The following CABCOCO1 variants were observed in gnomAD, a reference collection of about 807,000 sequenced individuals.
The protein encoded by CABCOCO1 is ciliary-associated calcium-binding coiled-coil protein 1.
Under a neutral mutation model 35.7 loss-of-function variants are expected in CABCOCO1, and 28 were observed. The observed-to-expected ratio is 0.78, with a 90% CI of 0.58 to 1.07. CABCOCO1 has a LOEUF of 1.07. CABCOCO1 is among the 50% of genes least tolerant of loss of function. The pLI, the probability that CABCOCO1 is intolerant of heterozygous loss-of-function variation, is 0.00. For missense variants in CABCOCO1, 326 were observed against 309.2 expected (o/e 1.05, Z -0.41); for synonymous variants, 95 against 100.1 (o/e 0.95, Z 0.30).
intron 5 of CABCOCO1, among the ~76,000 whole-genome samples, chr10:61,709,858 TC>T (rs1247732976): frequency 3.3e-5 from 5 of 152,060 alleles, no homozygotes; most frequent in African/African-American, 9.7e-5. Flanking sequence ...GAGCAGCTTT[TC>T]AAAAAACACA....
At chr10:61,685,838 C>T (rs61850471) in intron 3 of CABCOCO1, among the ~76,000 whole-genome samples, 1,913 of 152,328 alleles carry the variant, frequency 0.013, 15 homozygotes, top group Middle Eastern at 0.037. Flanking sequence ...GCTGGGATTA[C>T]AGGCTTGAGC....
chr10:61,702,743 C>T (rs1840492545), intron 5 of CABCOCO1, among the ~76,000 whole-genome samples: 1 of 151,966 alleles, frequency 6.6e-6, no homozygotes, highest in African/African-American at 2.4e-5. Flanking sequence ...TGAGAATATA[C>T]AAGCAGATAT....
At chr10:61,749,885 T>A (rs541084775) in intron 5 of CABCOCO1, among the ~76,000 whole-genome samples, 2 of 152,148 alleles carry the variant, frequency 1.3e-5, no homozygotes, top group South Asian at 4.1e-4. Context: ...CAATGCAGTA[T>A]GATTTGAAGG....
chr10:61,713,765 A>T (rs894417793), intron 5 of CABCOCO1, among the ~76,000 whole-genome samples: 27 of 152,324 alleles, frequency 1.8e-4, no homozygotes, highest in African/African-American at 6.0e-4. Flanking sequence ...CTATTGAGAT[A>T]ATCATGTGGT....
intron 2 of CABCOCO1, among the ~76,000 whole-genome samples, chr10:61,675,360 G>A (rs192739228): frequency 6.6e-5 from 10 of 152,050 alleles, no homozygotes; most frequent in African/African-American, 2.2e-4. Context: ...TACAATGACC[G>A]AGCAAAGAAT....
intron 5 of CABCOCO1, among the ~76,000 whole-genome samples, chr10:61,741,563 T>C (rs1250066263): frequency 1.6e-5 from 2 of 125,648 alleles, no homozygotes; most frequent in Non-Finnish European, 3.9e-5. Flanking sequence ...CTAAAATCTA[T>C]ATGATGTTAC....
chr10:61,681,047 G>T (rs2131976722), intron 2 of CABCOCO1, 96 bp from the exon 3 acceptor site: 1 of 553,074 alleles, frequency 1.8e-6, no homozygotes, highest in Non-Finnish European at 2.6e-6. Flanking sequence ...TTCAGATTAT[G>T]GGCATTAAAG....
chr10:61,697,122 T>A (rs1354458059), intron 5 of CABCOCO1, among the ~76,000 whole-genome samples: 1 of 152,100 alleles, frequency 6.6e-6, no homozygotes, highest in South Asian at 2.1e-4. Context: ...AAAGTTTTTG[T>A]GAATGTGAAT....
chr10:61,747,647 T>C (rs1710259337), intron 5 of CABCOCO1, among the ~76,000 whole-genome samples: 2 of 152,238 alleles, frequency 1.3e-5, no homozygotes, highest in South Asian at 4.1e-4. Flanking sequence ...CAGTAGCTCA[T>C]TGTCCTTGCT....
intron 5 of CABCOCO1, among the ~76,000 whole-genome samples, chr10:61,751,699 T>A (rs2588991): frequency 1.3e-5 from 2 of 152,154 alleles, no homozygotes; most frequent in Non-Finnish European, 2.9e-5. Context: ...TTTGTATAAA[T>A]AGAGAAAAAG....
At chr10:61,702,771 A>G (rs1314640730) in intron 5 of CABCOCO1, among the ~76,000 whole-genome samples, 1 of 152,208 alleles carries the variant, frequency 6.6e-6, no homozygotes. Context: ...GCATGAAAGC[A>G]TGCAAGTGAA....
At chr10:61,711,062 G>A (rs1199245581) in intron 5 of CABCOCO1, among the ~76,000 whole-genome samples, 2 of 151,856 alleles carry the variant, frequency 1.3e-5, no homozygotes, top group African/African-American at 2.4e-5. Context: ...GAACAAAGGA[G>A]TTATGGGATA....
At chr10:61,725,322 C>T (rs184205076) in intron 5 of CABCOCO1, among the ~76,000 whole-genome samples, 43 of 152,260 alleles carry the variant, frequency 2.8e-4, no homozygotes, top group Admixed American at 8.5e-4. Flanking sequence ...ACGTTTACTG[C>T]AGCACTATTC....
intron 5 of CABCOCO1, among the ~76,000 whole-genome samples, chr10:61,700,598 T>C (rs541887199): frequency 1.1e-4 from 17 of 152,184 alleles, no homozygotes; most frequent in Non-Finnish European, 2.1e-4. Context: ...TGGCAAGATA[T>C]ATCAAATTTT....
chr10:61,666,968 A>G (rs1403804690), intron 1 of CABCOCO1, among the ~76,000 whole-genome samples: 1 of 140,882 alleles, frequency 7.1e-6, no homozygotes, highest in African/African-American at 2.6e-5. Context: ...ATATAATTAT[A>G]TATTATATAT....
chr10:61,736,304 A>C (rs1841414374), intron 5 of CABCOCO1, among the ~76,000 whole-genome samples: 3 of 152,234 alleles, frequency 2.0e-5, no homozygotes, highest in Middle Eastern at 3.4e-3. Flanking sequence ...ATTCATCTTG[A>C]GTTGACTTTT....
chr10:61,669,160 A>G (rs1839284178), intron 1 of CABCOCO1, among the ~76,000 whole-genome samples: 1 of 151,964 alleles, frequency 6.6e-6, no homozygotes. Context: ...TTTTTTTTAT[A>G]TAAAGCACTA....
At chr10:61,751,213 CTTTTTTTTTTTT>C (rs57540074) in intron 5 of CABCOCO1, among the ~76,000 whole-genome samples, 1 of 106,506 alleles carries the variant, frequency 9.4e-6, no homozygotes, top group African/African-American at 3.7e-5. Context: ...TTGCCTTGCT[CTTTTTTTTTTTT>C]TTTTTTTTTT....
intron 5 of CABCOCO1, among the ~76,000 whole-genome samples, chr10:61,757,700 G>GACATACACAC (rs1841927379): frequency 6.8e-6 from 1 of 147,770 alleles, no homozygotes; most frequent in African/African-American, 2.5e-5. Flanking sequence ...CACACACACA[G>GACATACACAC]ACACACACAC....
Sources: gnomAD v4.1 joint callset for allele counts (sites outside exome capture counted in the v4.1 genomes callset) on GRCh38, gnomAD v4.1.1 for gene constraint, MANE v1.5 for transcripts, NCBI Gene and HGNC (gene_info 2026-07-23, HGNC 2026-07-21) for gene names.